Variants in UFSP2 observed in about 807,000 individuals in gnomAD.
The protein encoded by UFSP2 is UFM1 specific peptidase 2.
UFSP2 carries 43 observed loss-of-function variants against 60.2 expected under a neutral mutation model. The ratio of observed to expected loss-of-function variants is 0.71; its 90% confidence interval spans 0.56 to 0.92. UFSP2 has a LOEUF of 0.92. Ranked by LOEUF, UFSP2 falls within the 40% of genes least tolerant of loss-of-function variation. The pLI, the probability that UFSP2 is intolerant of heterozygous loss-of-function variation, is 0.00. For missense variants in UFSP2, 520 were observed against 575.0 expected, an observed-to-expected ratio of 0.90 and a Z score of 0.98; for synonymous variants, 183 against 195.1, an observed-to-expected ratio of 0.94 and a Z score of 0.52.
At chr4:185,422,656 T>C in intron 1 of UFSP2, 93 bp from the exon 2 acceptor site, 1 of 819,836 alleles carries the variant, frequency 1.2e-6, no homozygotes, top group Non-Finnish European at 1.9e-6. Context: ...GTTAAGACAT[T>C]AATTAACCTT....
At chr4:185,424,547 CAA>C (rs2095555557) in intron 1 of UFSP2, among the ~76,000 whole-genome samples, 1 of 152,174 alleles carries the variant, frequency 6.6e-6, no homozygotes, top group Non-Finnish European at 1.5e-5. Flanking sequence ...AGGAAACAAT[CAA>C]GAAAGTTCAG....
chr4:185,406,737 G>A (rs184115260), intron 9 of UFSP2, among the ~76,000 whole-genome samples: 238 of 151,592 alleles, frequency 1.6e-3, no homozygotes, highest in African/African-American at 5.4e-3. Context: ...CACCATGCCC[G>A]GCTCATTTTT....
chr4:185,404,591 C>T (rs1269391995), intron 10 of UFSP2, among the ~76,000 whole-genome samples: 28 of 150,954 alleles, frequency 1.9e-4, no homozygotes, highest in Non-Finnish European at 1.9e-4. Context: ...GCCACTGTGC[C>T]CAGTCTTTTT....
intron 11 of UFSP2, 164 bp from the exon 12 acceptor site, chr4:185,400,642 T>G (rs2095512174): frequency 4.2e-6 from 2 of 474,280 alleles, no homozygotes; most frequent in Admixed American, 3.8e-5. Context: ...TAACGTATCT[T>G]ACCCTTTAAG....
Position 185,400,456 on chromosome 4 carries a change from G to C in UFSP2, c.1346C>G (p.Pro449Arg). ...LEKGWCGWKG[P>R]DFWNKDAYYN... ...GTATGCATCCTTGTTCCAAAAATCT[G>C]GGCCCTTCCATCCGCACCAGCCCTG... The change falls in exon 12 of 12, where the codon CCA becomes CGA. Residue 449 changes from proline to arginine, a missense_variant. Transcript: ENST00000264689. 6.2e-7 allele frequency: 1 copy of C among 1,613,732 alleles called. No homozygotes were observed.
chr4:185,422,157 C>T (rs2095550545), intron 2 of UFSP2, among the ~76,000 whole-genome samples: 1 of 152,198 alleles, frequency 6.6e-6, no homozygotes, highest in African/African-American at 2.4e-5. Flanking sequence ...ATTGTACATA[C>T]ACTTGCAAGT....
In UFSP2 at chr4:185,422,529, A is replaced by T; in HGVS notation, c.38T>A (p.Ile13Lys). Residue 13 changes from isoleucine to lysine, a missense_variant, in exon 2 of 12, where the codon ATA becomes AAA. Physicochemically the swap from Ile to Lys is moderately radical, Grantham distance 102. Transcript: ENST00000264689. The stretch of plus-strand genomic sequence containing the variant: ...AAAAGCCAAATCAAGGCCTCCTCTT[A>T]TTCTGAAGAGTATATCCATACTTTC... Reference protein sequence around the residue: ...ISESMDILFRIRGGLDLAFQL... With the variant: ...ISESMDILFRKRGGLDLAFQL... 6.2e-7 allele frequency: 1 copy of T among 1,611,896 alleles called. No homozygotes were observed. The highest frequency in any genetic ancestry group is 8.5e-7 in the Non-Finnish European group (1 of 1,179,376).
At chr4:185,410,217 A>G (rs1303644845) in intron 7 of UFSP2, among the ~76,000 whole-genome samples, 2 of 152,242 alleles carry the variant, frequency 1.3e-5, no homozygotes, top group Non-Finnish European at 2.9e-5. Context: ...ACTTCTAAAT[A>G]ATACATGGAC....
At chr4:185,403,820 C>CA (rs1004808318) in intron 10 of UFSP2, among the ~76,000 whole-genome samples, 13 of 150,742 alleles carry the variant, frequency 8.6e-5, no homozygotes, top group Admixed American at 2.6e-4. Context: ...TAAAAAAATA[C>CA]AAAAAAAATA....
intron 2 of UFSP2, 59 bp downstream of exon 2, chr4:185,422,426 A>C: frequency 2.4e-6 from 3 of 1,249,956 alleles, no homozygotes; most frequent in Non-Finnish European, 3.4e-6. Context: ...AAGTGGAAAT[A>C]ATCTCAGTAT....
chr4:185,418,067 C>CACACACACACACACACAA lies in UFSP2; in HGVS notation c.333+373_333+374insTTGTGTGTGTGTGTGTGT, dbSNP rs1445388501. On this transcript the variant is annotated intron_variant, in intron 4 of 11. Transcript: ENST00000264689. ...CTCAAAACACACACACACACACACA[C>CACACACACACACACACAA]AAACAACAGAACCAAGAGTAGTGTG... 3.3e-5 allele frequency among the ~76,000 whole-genome samples: 5 copies of CACACACACACACACACAA among 150,692 alleles called. No individual in the cohort carries two copies. In the East Asian group the frequency reaches 5.8e-4, roughly 17 times the overall value.
intron 11 of UFSP2, among the ~76,000 whole-genome samples, chr4:185,401,833 C>T (rs10005827): frequency 0.73 from 111,430 of 152,094 alleles, 42,026 homozygotes; most frequent in East Asian, 0.99. Flanking sequence ...AGAAACCTTA[C>T]CTAGATAATG....
At chr4:185,405,938 T>A (rs2095519833) in intron 9 of UFSP2, 82 bp from the exon 10 acceptor site, 1 of 1,604,322 alleles carries the variant, frequency 6.2e-7, no homozygotes, top group East Asian at 2.3e-5. Flanking sequence ...TGTTTCCTAC[T>A]TTCTTGTTTT....
In UFSP2 at chr4:185,425,921, G is replaced by C. The variant is rs773186524; in HGVS notation, c.-53C>G. The C allele has an allele frequency of 2.1e-5, 33 of 1,567,786 alleles. No individual in the cohort carries two copies. The highest frequency in any genetic ancestry group is 2.6e-5 in the Non-Finnish European group (30 of 1,156,588). On this transcript the variant is annotated 5_prime_UTR_variant, in exon 1 of 12. Transcript: ENST00000264689. The stretch of plus-strand genomic sequence containing the variant: ...CTGACGCCTGCCCAAAAGTTCCGGG[G>C]GCCGGCCCTGAAGTGGTGTCACCGC...
chr4:185,423,467 G>A (rs1183486584), intron 1 of UFSP2, among the ~76,000 whole-genome samples: 1 of 152,150 alleles, frequency 6.6e-6, no homozygotes, highest in Non-Finnish European at 1.5e-5. Flanking sequence ...CTAGTGATAT[G>A]CATTTAGAAT....
Position 185,415,881 on chromosome 4 carries a change from C to T in UFSP2, c.334-14G>A. 2 of 1,587,704 alleles carry T rather than the reference C, an allele frequency of 1.3e-6. No individual in the cohort carries two copies. The highest frequency in any genetic ancestry group is 1.1e-5 in the South Asian group (1 of 87,454). ...TACTATTTGATGCTATATAGATAAA[C>T]AGTAATAGTCAACTTGTAGTGCATT... On this transcript the variant is annotated splice_polypyrimidine_tract_variant and intron_variant, in intron 4 of 11. Coordinates refer to ENST00000264689, the MANE Select transcript of UFSP2 (RefSeq NM_018359.5).
At chr4:185,409,686 C>T (rs1463182048) in intron 7 of UFSP2, among the ~76,000 whole-genome samples, 2 of 152,078 alleles carry the variant, frequency 1.3e-5, no homozygotes. Flanking sequence ...GTGAATGCAC[C>T]CTCTGTGCCA....
intron 1 of UFSP2, 135 bp from the exon 2 acceptor site, chr4:185,422,698 T>C (rs2095551562): frequency 7.2e-6 from 5 of 692,072 alleles, no homozygotes; most frequent in Non-Finnish European, 1.2e-5. Context: ...AGTTAATTCC[T>C]TGTTTTATAG....
chr4:185,419,930 T>C (rs971015968), intron 2 of UFSP2, among the ~76,000 whole-genome samples: 4 of 152,256 alleles, frequency 2.6e-5, no homozygotes, highest in Admixed American at 2.6e-4. Flanking sequence ...GGTGATCACC[T>C]AGAATAGAAT....
Sources: gnomAD v4.1 joint callset for allele counts (sites outside exome capture counted in the v4.1 genomes callset) on GRCh38, gnomAD v4.1.1 for gene constraint, MANE v1.5 for transcripts, NCBI Gene and HGNC (gene_info 2026-07-23, HGNC 2026-07-21) for gene names.